The following EVI5 variants were observed in gnomAD, a reference collection of about 807,000 sequenced individuals.
EVI5 encodes ecotropic viral integration site 5.
EVI5 carries 73 observed loss-of-function variants against 112.0 expected under a neutral mutation model. That is an observed-to-expected ratio of 0.65 (90% confidence interval 0.54 to 0.79). EVI5 has a LOEUF of 0.79. Among genes scored for constraint, EVI5 ranks in the 30% least tolerant of loss-of-function variants. The pLI is 0.00. For synonymous variants in EVI5, 305 were observed against 319.9 expected (o/e 0.95, Z 0.50); for missense variants, 900 against 968.8 (o/e 0.93, Z 0.94).
intron 2 of EVI5, chr1:92,732,412 A>G: frequency 3.9e-6 from 1 of 256,368 alleles, no homozygotes; most frequent in South Asian, 4.6e-5. Flanking sequence ...AAAAATAGTG[A>G]AACAGCTGCA....
intron 19 of EVI5, among the ~76,000 whole-genome samples, chr1:92,558,263 T>C (rs1485065445): frequency 6.6e-6 from 1 of 152,194 alleles, no homozygotes; most frequent in African/African-American, 2.4e-5. Context: ...CTTCTCTTTA[T>C]ATATGAACGC....
At chr1:92,730,902 C>T (rs1454186275) in intron 2 of EVI5, among the ~76,000 whole-genome samples, 2 of 152,084 alleles carry the variant, frequency 1.3e-5, no homozygotes, top group South Asian at 2.1e-4. Flanking sequence ...AGCAAAAGTG[C>T]TCTTATTCAC....
In EVI5 at chr1:92,563,999, C is replaced by T. The variant is rs563197076; in HGVS notation, c.2071-262G>A. Reference sequence around the variant, plus strand: ...GTGCAACGGTGCCATCTCGGCTCACCGCAACCTCTGCCTCCCGGGTTCAAG... The same window carrying T: ...GTGCAACGGTGCCATCTCGGCTCACTGCAACCTCTGCCTCCCGGGTTCAAG... On this transcript the variant is annotated intron_variant, in intron 18 of 19. Coordinates refer to ENST00000684568, the MANE Select transcript of EVI5 (RefSeq NM_001350197.2). Among the ~76,000 whole-genome samples, 11 of 152,146 alleles carry T rather than the reference C, an allele frequency of 7.2e-5. No homozygotes were observed. In the South Asian group the frequency reaches 8.3e-4, roughly 11 times the overall value.
chr1:92,683,919 C>T (rs528257475), intron 9 of EVI5, among the ~76,000 whole-genome samples: 2 of 152,268 alleles, frequency 1.3e-5, no homozygotes, highest in African/African-American at 2.4e-5. Context: ...ACCAAATATA[C>T]ATTTGATTGT....
At chr1:92,557,487 C>T (rs993335464) in intron 19 of EVI5, among the ~76,000 whole-genome samples, 3 of 151,350 alleles carry the variant, frequency 2.0e-5, no homozygotes, top group Non-Finnish European at 4.4e-5. Flanking sequence ...TTAGTAGAGA[C>T]GGGGTTTAGC....
intron 18 of EVI5, among the ~76,000 whole-genome samples, chr1:92,587,389 A>T (rs368865754): frequency 3.2e-4 from 4 of 12,528 alleles, no homozygotes; most frequent in Non-Finnish European, 7.0e-4. Context: ...CTTCAGGGGC[A>T]AAAAAAAAAA....
At chr1:92,735,643 T>TGAC (rs1219573879) in intron 2 of EVI5, among the ~76,000 whole-genome samples, 1 of 24,022 alleles carries the variant, frequency 4.2e-5, no homozygotes, top group Non-Finnish European at 8.2e-5. Context: ...ATATGTCATA[T>TGAC]ATATATATAA....
chr1:92,755,522 T>G (rs1680823533), intron 1 of EVI5, among the ~76,000 whole-genome samples: 1 of 152,242 alleles, frequency 6.6e-6, no homozygotes, highest in Admixed American at 6.5e-5. Flanking sequence ...TTCATACAGC[T>G]GTTTAGAACG....
At chr1:92,550,812 A>ATATATATATATATATATATATATG (rs1666774718) in intron 19 of EVI5, among the ~76,000 whole-genome samples, 1 of 115,262 alleles carries the variant, frequency 8.7e-6, no homozygotes, top group Middle Eastern at 3.7e-3. Flanking sequence ...ATATATATAT[A>ATATATATATATATATATATATATG]TAACAAAAAA....
At chr1:92,767,221 G>A (rs760415728) in intron 1 of EVI5, among the ~76,000 whole-genome samples, 10 of 152,032 alleles carry the variant, frequency 6.6e-5, no homozygotes, top group Non-Finnish European at 1.3e-4. Flanking sequence ...TACTTAGTAT[G>A]CATCTCATTT....
At chr1:92,549,656 AAAAC>A (rs1405468213) in intron 19 of EVI5, among the ~76,000 whole-genome samples, 3 of 151,950 alleles carry the variant, frequency 2.0e-5, no homozygotes, top group African/African-American at 4.8e-5. Flanking sequence ...TTACAAGAAA[AAAAC>A]AAACAACCCC....
At chr1:92,609,067 C>G (rs190910593) in intron 16 of EVI5, among the ~76,000 whole-genome samples, 3 of 152,080 alleles carry the variant, frequency 2.0e-5, no homozygotes, top group African/African-American at 2.4e-5. Flanking sequence ...ACATATAGAC[C>G]TTGAACTAAC....
intron 9 of EVI5, among the ~76,000 whole-genome samples, chr1:92,679,694 T>C (rs1667293318): frequency 6.6e-6 from 1 of 152,172 alleles, no homozygotes. Context: ...CTAAAGCCCA[T>C]GACAGTTTTG....
At chr1:92,690,850 T>C (rs190538596) in intron 9 of EVI5, among the ~76,000 whole-genome samples, 3 of 152,336 alleles carry the variant, frequency 2.0e-5, no homozygotes, top group African/African-American at 7.2e-5. Flanking sequence ...AGACAGACAT[T>C]ATGCATCTTT....
At chr1:92,678,176 A>C (rs140275027) in intron 9 of EVI5, among the ~76,000 whole-genome samples, 72 of 152,306 alleles carry the variant, frequency 4.7e-4, no homozygotes, top group Non-Finnish European at 8.5e-4. Flanking sequence ...CATGAAATAC[A>C]TATGTGCATG....
rs202103359 is a variant in EVI5 at position 92,607,586 on chromosome 1, A to G, written c.1969T>C (p.Cys657Arg). The G allele has an allele frequency of 1.2e-5, 19 of 1,574,290 alleles. No individual in the cohort carries two copies. The highest frequency in any genetic ancestry group is 1.5e-5 in the Non-Finnish European group (18 of 1,166,870). The change falls in exon 17 of 20, where the codon TGC becomes CGC. Residue 657 changes from cysteine to arginine, a missense_variant. Cys to Arg is a radical substitution (Grantham distance 180). Coordinates refer to ENST00000684568, the MANE Select transcript of EVI5 (RefSeq NM_001350197.2). ...CAGTTAGTTGACATATTTACCTTGC[A>G]TTCAATCTCTGCTTGTTTACGCTTT... ...EAKRKQAEIE[C>R]KNKEEVMAVR...
intron 19 of EVI5, among the ~76,000 whole-genome samples, chr1:92,549,378 C>T (rs945214719): frequency 3.9e-5 from 6 of 151,916 alleles, no homozygotes; most frequent in Non-Finnish European, 8.8e-5. Context: ...AATGTTAGAC[C>T]TAAAACTATA....
At chr1:92,563,596 GAGGA>G (rs1448257937) in intron 19 of EVI5, 42 bp downstream of exon 19, 2 of 947,498 alleles carry the variant, frequency 2.1e-6, no homozygotes, top group Non-Finnish European at 3.4e-6. Context: ...TTACAATACA[GAGGA>G]AGGAAGAAAG....
intron 18 of EVI5, among the ~76,000 whole-genome samples, chr1:92,593,371 C>G (rs554200621): frequency 2.2e-3 from 333 of 152,260 alleles, no homozygotes; most frequent in African/African-American, 7.3e-3. Context: ...ATTCAACAAC[C>G]CTTCATGCTA....
Sources: gnomAD v4.1 joint callset for allele counts (sites outside exome capture counted in the v4.1 genomes callset) on GRCh38, gnomAD v4.1.1 for gene constraint, MANE v1.5 for transcripts, NCBI Gene and HGNC (gene_info 2026-07-23, HGNC 2026-07-21) for gene names.